Variants in SEMA3A observed in about 807,000 individuals in gnomAD.
SEMA3A encodes the protein semaphorin-3A.
Under a neutral mutation model 97.9 loss-of-function variants are expected in SEMA3A, and 29 were observed. The ratio of observed to expected loss-of-function variants is 0.30; its 90% confidence interval spans 0.22 to 0.40. SEMA3A has a LOEUF of 0.40. Among genes scored for constraint, SEMA3A ranks in the 10% least tolerant of loss-of-function variants. SEMA3A has a pLI of 1.00. For missense variants in SEMA3A, 763 were observed against 951.3 expected, an observed-to-expected ratio of 0.80 and a Z score of 2.60; for synonymous variants, 321 against 323.7, an observed-to-expected ratio of 0.99 and a Z score of 0.09.
At chr7:84,310,534 A>C (rs2115861375) in intron 2 of SEMA3A, among the ~76,000 whole-genome samples, 1 of 152,228 alleles carries the variant, frequency 6.6e-6, no homozygotes. Flanking sequence ...AATAGATGAT[A>C]ATTCTTTATC....
intron 5 of SEMA3A, among the ~76,000 whole-genome samples, chr7:84,057,596 C>G (rs1307447619): frequency 2.6e-5 from 4 of 151,926 alleles, no homozygotes; most frequent in Non-Finnish European, 5.9e-5. Flanking sequence ...GAAACCTTGT[C>G]TCTCCTAAAA....
chr7:84,251,219 G>A (rs1337480635), intron 3 of SEMA3A, among the ~76,000 whole-genome samples: 1 of 152,102 alleles, frequency 6.6e-6, no homozygotes, highest in Non-Finnish European at 1.5e-5. Context: ...CAACATTCTG[G>A]TTCAATATCG....
intron 1 of SEMA3A, among the ~76,000 whole-genome samples, chr7:84,155,680 C>CTAA (rs1796825545): frequency 6.6e-6 from 1 of 152,134 alleles, no homozygotes; most frequent in African/African-American, 2.4e-5. Context: ...TTTTCTTACT[C>CTAA]TAACTTTTCC....
intron 16 of SEMA3A, among the ~76,000 whole-genome samples, chr7:83,962,432 A>G (rs534773902): frequency 1.3e-5 from 2 of 152,140 alleles, no homozygotes; most frequent in Non-Finnish European, 2.9e-5. Flanking sequence ...AATGCATGAA[A>G]TCAATCTTGC....
At chr7:84,312,945 T>C (rs936885042) in intron 2 of SEMA3A, among the ~76,000 whole-genome samples, 26 of 94,678 alleles carry the variant, frequency 2.7e-4, no homozygotes, top group South Asian at 3.9e-4. Context: ...CACACACACG[T>C]ACACACATAT....
chr7:83,957,903 CT>C lies in SEMA3A; in HGVS notation c.*3467del, dbSNP rs969834726. On this transcript the variant is annotated 3_prime_UTR_variant, in exon 17 of 17. Transcript: ENST00000265362. ...AAGTCTGTCTTTGAAACCATGAAAC[CT>C]GATACAGTTTCATTAAATTGAATGG... 5.3e-5 allele frequency: 8 copies of C among 151,884 alleles called. No homozygotes were observed. Among genetic ancestry groups the C allele is most frequent in the Non-Finnish European group, 7.4e-5 (5 of 67,938 alleles). The allele number at this position is 151,884 out of a possible 1,614,324, so 9.4% of individuals were successfully genotyped here.
At chr7:83,966,903 G>T (rs1449974155) in intron 15 of SEMA3A, among the ~76,000 whole-genome samples, 1 of 151,822 alleles carries the variant, frequency 6.6e-6, no homozygotes, top group Admixed American at 6.6e-5. Context: ...TAGAGACAGG[G>T]TTTCTCCATG....
intron 3 of SEMA3A, among the ~76,000 whole-genome samples, chr7:84,259,846 A>G (rs913112614): frequency 6.6e-6 from 1 of 152,046 alleles, no homozygotes; most frequent in Non-Finnish European, 1.5e-5. Context: ...AGGAAAAAAA[A>G]GAGCAAGCAA....
chr7:84,180,749 C>A (rs1157112590), intron 1 of SEMA3A, among the ~76,000 whole-genome samples: 1 of 151,758 alleles, frequency 6.6e-6, no homozygotes, highest in African/African-American at 2.4e-5. Context: ...TACACTAAAT[C>A]CTAAGTAATC....
intron 1 of SEMA3A, among the ~76,000 whole-genome samples, chr7:84,390,519 C>T (rs996645509): frequency 6.6e-6 from 1 of 151,744 alleles, no homozygotes; most frequent in South Asian, 2.1e-4. Context: ...CCCTGAAGTG[C>T]TACTGTGCTA....
At chr7:84,178,083 T>A (rs1177159622) in intron 1 of SEMA3A, among the ~76,000 whole-genome samples, 1 of 152,162 alleles carries the variant, frequency 6.6e-6, no homozygotes, top group African/African-American at 2.4e-5. Flanking sequence ...GTTAATACAA[T>A]GCAGGGAAAA....
chr7:84,057,751 GATAAATAAATAAATAAATAA>G (rs71297135), intron 5 of SEMA3A, among the ~76,000 whole-genome samples: 2 of 142,638 alleles, frequency 1.4e-5, no homozygotes, highest in African/African-American at 2.6e-5. Context: ...GACAGAGCAA[GATAAATAAATAAATAAATAA>G]ATAAATAAAT....
At chr7:84,129,062 C>G (rs1795881334) in intron 3 of SEMA3A, 61 bp downstream of exon 3, 2 of 1,308,036 alleles carry the variant, frequency 1.5e-6, no homozygotes. Context: ...ACACTTTTGT[C>G]CCAAGCATTT....
At chr7:84,183,332 G>A (rs917035099) in intron 1 of SEMA3A, among the ~76,000 whole-genome samples, 2 of 152,038 alleles carry the variant, frequency 1.3e-5, no homozygotes, top group African/African-American at 2.4e-5. Flanking sequence ...GAGTAGCTAT[G>A]TATGAAAACT....
In SEMA3A at chr7:83,981,449, C is replaced by G; in HGVS notation, c.1524G>C (p.Gly508=). The change falls in exon 14 of 17, where the codon GGG becomes GGC. Residue 508 remains glycine, a synonymous_variant. Coordinates refer to ENST00000265362, the MANE Select transcript of SEMA3A (RefSeq NM_006080.3). ...QQQLYIGSTA[G]VAQLPLHRCD... ...ACCGGTGTAAAGGGAGCTGGGCAAC[C>G]CCAGCCGTTGAACCAATATATAGTT... 6.2e-7 allele frequency: 1 copy of G among 1,612,590 alleles called. No homozygotes were observed. Among genetic ancestry groups the G allele is most frequent in the Non-Finnish European group, 8.5e-7 (1 of 1,179,442 alleles).
chr7:84,005,374 T>G lies in SEMA3A; in HGVS notation c.1325A>C (p.Glu442Ala). The G allele has an allele frequency of 6.2e-7, 1 of 1,613,840 alleles. No homozygotes were observed. Among genetic ancestry groups the G allele is most frequent in the Non-Finnish European group, 8.5e-7 (1 of 1,179,804 alleles). ...TQIVVDRVDA[E>A]DGQYDVMFIG... ...AAACATAACATCATACTGTCCATCT[T>G]CTGCATCCACTCGGTCTACGACAAT... The change falls in exon 11 of 17, where the codon GAA becomes GCA. Residue 442 changes from glutamate (E) to alanine (A), a missense_variant. Around this residue, in one of 2 missense-constraint regions of SEMA3A, gnomAD observed 678 missense variants for 881.3 expected, o/e 0.77. Transcript: ENST00000265362.
rs185246017 is a variant in SEMA3A at position 84,422,493 on chromosome 7, A to G, written c.-245-50593T>C. 8.3e-4 allele frequency among the ~76,000 whole-genome samples: 127 copies of G among 152,130 alleles called. 1 individual carries two copies. Among genetic ancestry groups the G allele is most frequent in the Middle Eastern group, 3.4e-3 (1 of 294 alleles). On this transcript the variant is annotated intron_variant, in intron 1 of 3. Transcript: ENST00000424555. ...GCTCCTAGATTCATTGATTTTTTAA[A>G]GGATTTTTCATGTCTCTATCTCCTT...
intron 1 of SEMA3A, among the ~76,000 whole-genome samples, chr7:84,399,182 A>G (rs1584291786): frequency 6.6e-6 from 1 of 152,268 alleles, no homozygotes; most frequent in South Asian, 2.1e-4. Flanking sequence ...CCCTGTCACT[A>G]TGCAACACAA....
intron 1 of SEMA3A, among the ~76,000 whole-genome samples, chr7:84,410,539 G>C (rs1804235288): frequency 6.6e-6 from 1 of 152,106 alleles, no homozygotes; most frequent in African/African-American, 2.4e-5. Flanking sequence ...AGAGGTGCTA[G>C]TTTCCAATAA....
Sources: gnomAD v4.1 joint callset for allele counts (sites outside exome capture counted in the v4.1 genomes callset) on GRCh38, gnomAD v4.1.1 for gene constraint, gnomAD v4.1.1 regional missense constraint, MANE v1.5 for transcripts, NCBI Gene and HGNC (gene_info 2026-07-23, HGNC 2026-07-21) for gene names.